Variants in SDK1 observed in about 807,000 individuals in gnomAD.
SDK1 encodes sidekick cell adhesion molecule 1.
In SDK1, 157 loss-of-function variants were observed where a neutral mutation model predicts 245.5. That is an observed-to-expected ratio of 0.64 (90% CI 0.56 to 0.73). The LOEUF is 0.73. SDK1 is among the 30% of genes least tolerant of loss of function. SDK1 has a pLI of 0.00. For synonymous variants in SDK1, 1,647 were observed against 1,278.5 expected (o/e 1.29, Z -6.15); for missense variants, 3,583 against 3,002.3 (o/e 1.19, Z -4.52).
At chr7:3,732,382 A>T (rs998408377) in intron 4 of SDK1, among the ~76,000 whole-genome samples, 2 of 152,252 alleles carry the variant, frequency 1.3e-5, no homozygotes, top group African/African-American at 4.8e-5. Context: ...AATAAAGTAG[A>T]ACTTTCTAAA....
At chr7:4,118,277 C>T (rs1584194384) in intron 25 of SDK1, among the ~76,000 whole-genome samples, 1 of 152,324 alleles carries the variant, frequency 6.6e-6, no homozygotes, top group East Asian at 1.9e-4. Context: ...TCGGCATAGA[C>T]ATTCCTCCCA....
chr7:3,750,291 G>A (rs1158904901), intron 4 of SDK1, among the ~76,000 whole-genome samples: 1 of 152,166 alleles, frequency 6.6e-6, no homozygotes, highest in Non-Finnish European at 1.5e-5. Flanking sequence ...AATTGCATTG[G>A]AGAAGAGTGG....
chr7:4,226,564 G>A (rs1327718594), intron 40 of SDK1, among the ~76,000 whole-genome samples: 1 of 152,194 alleles, frequency 6.6e-6, no homozygotes, highest in Non-Finnish European at 1.5e-5. Flanking sequence ...ATTAGCACCA[G>A]GCTAGAACAC....
intron 4 of SDK1, among the ~76,000 whole-genome samples, chr7:3,660,818 T>C (rs1220252555): frequency 6.6e-6 from 1 of 152,250 alleles, no homozygotes. Context: ...AGAACTTATT[T>C]ATCTTTGAGA....
At chr7:3,520,270 C>T (rs1782892411) in intron 1 of SDK1, among the ~76,000 whole-genome samples, 1 of 152,116 alleles carries the variant, frequency 6.6e-6, no homozygotes, top group Non-Finnish European at 1.5e-5. Context: ...TCTTTTAGAG[C>T]TGCTGGATAA....
chr7:4,265,085 C>T (rs767260512), intron 44 of SDK1, 39 bp from the exon 45 acceptor site: 2 of 1,593,936 alleles, frequency 1.3e-6, no homozygotes, highest in African/African-American at 2.7e-5. Context: ...GGCCCTGCGC[C>T]CTGCCCTGCA....
chr7:3,729,250 T>G (rs545616658), intron 4 of SDK1, among the ~76,000 whole-genome samples: 11 of 152,340 alleles, frequency 7.2e-5, no homozygotes, highest in African/African-American at 2.4e-4. Context: ...AGTTAGCATT[T>G]AGATATTCAG....
At chr7:4,054,217 A>G (rs1779062849) in intron 19 of SDK1, among the ~76,000 whole-genome samples, 1 of 152,216 alleles carries the variant, frequency 6.6e-6, no homozygotes, top group Admixed American at 6.5e-5. Context: ...CTGGGATTAC[A>G]GGCATAAGCC....
chr7:3,906,013 T>C (rs1023770925), intron 5 of SDK1, among the ~76,000 whole-genome samples: 3 of 152,188 alleles, frequency 2.0e-5, no homozygotes, highest in African/African-American at 7.2e-5. Flanking sequence ...TTTAAGCATA[T>C]TTGCATCTTC....
intron 28 of SDK1, among the ~76,000 whole-genome samples, chr7:4,133,444 T>C (rs914461382): frequency 2.0e-5 from 3 of 152,182 alleles, no homozygotes; most frequent in Admixed American, 6.5e-5. Context: ...GAGACACATG[T>C]TGAGAGTACA....
At chr7:3,713,675 C>G (rs1402688242) in intron 4 of SDK1, among the ~76,000 whole-genome samples, 1 of 152,198 alleles carries the variant, frequency 6.6e-6, no homozygotes, top group Non-Finnish European at 1.5e-5. Flanking sequence ...AGCTTTCTGT[C>G]ACAGTATTTG....
At chr7:3,694,869 A>G (rs909125451) in intron 4 of SDK1, among the ~76,000 whole-genome samples, 1 of 152,196 alleles carries the variant, frequency 6.6e-6, no homozygotes, top group African/African-American at 2.4e-5. Flanking sequence ...TGTTCTGTGG[A>G]ATGAGAAGCT....
intron 1 of SDK1, among the ~76,000 whole-genome samples, chr7:3,361,073 A>G (rs1780938104): frequency 6.6e-6 from 1 of 152,206 alleles, no homozygotes; most frequent in Non-Finnish European, 1.5e-5. Flanking sequence ...TGTACTTTAA[A>G]AACCGTATTG....
intron 35 of SDK1, among the ~76,000 whole-genome samples, chr7:4,182,700 T>C (rs533723639): frequency 7.9e-5 from 12 of 152,310 alleles, no homozygotes; most frequent in African/African-American, 2.6e-4. Context: ...CAGGCACTCA[T>C]GTTCTAAGCT....
chr7:3,610,610 A>G (rs957124865), intron 1 of SDK1, among the ~76,000 whole-genome samples: 22 of 152,370 alleles, frequency 1.4e-4, no homozygotes, highest in African/African-American at 5.3e-4. Context: ...TAGTACATAA[A>G]TATAGCCATA....
intron 1 of SDK1, among the ~76,000 whole-genome samples, chr7:3,530,697 G>C (rs974081357): frequency 2.6e-5 from 4 of 152,128 alleles, no homozygotes; most frequent in Admixed American, 6.5e-5. Context: ...TATGAAGTTA[G>C]CTTATGTACA....
In SDK1 at chr7:3,386,055, G is replaced by A. The variant is rs1029614186; in HGVS notation, c.298+84171G>A. ...CGTTAGTAATATTACTCAAATAAAC[G>A]ATGGGAAAATGTTTCTCTTGACAGG... On this transcript the variant is annotated intron_variant, in intron 1 of 44. Coordinates refer to ENST00000404826, the MANE Select transcript of SDK1 (RefSeq NM_152744.4). Among the ~76,000 whole-genome samples, 6 of 151,930 alleles carry A rather than the reference G, an allele frequency of 3.9e-5. No individual in the cohort carries two copies. The East Asian group carries it at 9.6e-4, about 24-fold the overall frequency.
intron 4 of SDK1, among the ~76,000 whole-genome samples, chr7:3,800,263 T>C (rs1414506716): frequency 6.6e-6 from 1 of 152,190 alleles, no homozygotes; most frequent in Non-Finnish European, 1.5e-5. Context: ...ACTGGAGTAA[T>C]GGCATGTAAG....
At chr7:4,245,974 C>T (rs987345054) in intron 44 of SDK1, among the ~76,000 whole-genome samples, 169 bp downstream of exon 44, 1 of 152,182 alleles carries the variant, frequency 6.6e-6, no homozygotes, top group Non-Finnish European at 1.5e-5. Context: ...CGAAATTCAA[C>T]CCCACGGCCT....
Sources: gnomAD v4.1 joint callset for allele counts (sites outside exome capture counted in the v4.1 genomes callset) on GRCh38, gnomAD v4.1.1 for gene constraint, MANE v1.5 for transcripts, NCBI Gene and HGNC (gene_info 2026-07-23, HGNC 2026-07-21) for gene names.